PCDHA5: variants seen among roughly 807,000 people sequenced by gnomAD.
PCDHA5 encodes protocadherin alpha-5.
A neutral mutation model predicts 61.6 loss-of-function variants in PCDHA5; 43 were observed. The ratio of observed to expected loss-of-function variants is 0.70; its 90% CI spans 0.55 to 0.90. The LOEUF (loss-of-function observed/expected upper bound fraction) is 0.90, where lower values mean the gene tolerates loss of function less well. PCDHA5 is among the 40% of genes least tolerant of loss of function. The pLI is 0.00. For missense variants in PCDHA5, 1,298 were observed against 1,222.7 expected (o/e 1.06, Z -0.92); for synonymous variants, 627 against 543.9 (o/e 1.15, Z -2.13).
intron 1 of PCDHA5, chr5:140,877,334 C>G (rs375199455): frequency 3.1e-6 from 5 of 1,613,884 alleles, no homozygotes; most frequent in African/African-American, 1.3e-5. Flanking sequence ...GCGCACATCC[C>G]GTTCCACGTG....
At chr5:140,989,555 T>G (rs923190578) in intron 3 of PCDHA5, among the ~76,000 whole-genome samples, 1 of 152,204 alleles carries the variant, frequency 6.6e-6, no homozygotes, top group African/African-American at 2.4e-5. Flanking sequence ...CCTTTACGTT[T>G]TGTGGCTCCG....
intron 2 of PCDHA5, among the ~76,000 whole-genome samples, chr5:140,979,752 G>A (rs1048851264): frequency 4.6e-5 from 7 of 152,138 alleles, no homozygotes; most frequent in South Asian, 2.1e-4. Context: ...CATTATTTGC[G>A]AATGTCTTTG....
chr5:140,830,242 G>A, intron 1 of PCDHA5: 1 of 1,613,960 alleles, frequency 6.2e-7, no homozygotes, highest in Non-Finnish European at 8.5e-7. Context: ...CGCTACTGCT[G>A]TACACAGCGC....
At chr5:140,994,451 C>T (rs782287082) in intron 3 of PCDHA5, among the ~76,000 whole-genome samples, 14 of 152,116 alleles carry the variant, frequency 9.2e-5, no homozygotes, top group Non-Finnish European at 1.6e-4. Flanking sequence ...ACCTGTGATC[C>T]CAGCACTTTG....
At chr5:140,869,139 A>C (rs2050869640) in intron 1 of PCDHA5, 1 of 1,613,156 alleles carries the variant, frequency 6.2e-7, no homozygotes, top group Admixed American at 1.7e-5. Flanking sequence ...TGGGCACCCC[A>C]CGACTACAGC....
intron 1 of PCDHA5, chr5:140,843,311 A>T: frequency 6.3e-7 from 1 of 1,595,942 alleles, no homozygotes; most frequent in Non-Finnish European, 8.6e-7. Flanking sequence ...CGCCACGGCC[A>T]CGGTTCTGGT....
chr5:140,924,900 AAAAAAT>A (rs2082118159), intron 1 of PCDHA5, among the ~76,000 whole-genome samples: 2 of 63,328 alleles, frequency 3.2e-5, no homozygotes, highest in African/African-American at 5.4e-5. Flanking sequence ...GTCTCAAAAA[AAAAAAT>A]AAAATAAAAT....
At chr5:140,898,150 G>A (rs373714901) in intron 1 of PCDHA5, among the ~76,000 whole-genome samples, 6 of 152,198 alleles carry the variant, frequency 3.9e-5, no homozygotes, top group African/African-American at 9.6e-5. Flanking sequence ...GCCTGTTCAC[G>A]CTGATGGTGG....
rs200153004 is a variant in PCDHA5 at position 140,870,042 on chromosome 5, G to A, written c.2352+45915G>A. 5 of 1,613,712 alleles carry A rather than the reference G, an allele frequency of 3.1e-6. No homozygotes were observed. In the East Asian group the frequency reaches 6.7e-5, roughly 22 times the overall value. On this transcript the variant is annotated intron_variant, in intron 1 of 3. Coordinates refer to ENST00000529859, the MANE Select transcript of PCDHA5 (RefSeq NM_018908.3). The stretch of plus-strand genomic sequence containing the variant: ...GAACTTTAGATTATGAAGAAAACAA[G>A]TTTTATAAAATTGAAGTACAGGCTA...
At chr5:140,908,179 C>T (rs1158845408) in intron 1 of PCDHA5, among the ~76,000 whole-genome samples, 1 of 152,194 alleles carries the variant, frequency 6.6e-6, no homozygotes, top group Non-Finnish European at 1.5e-5. Context: ...CAGCTGTCCA[C>T]TTTCAGGTGG....
At chr5:140,890,576 A>T (rs1554184435) in intron 1 of PCDHA5, among the ~76,000 whole-genome samples, 2 of 151,634 alleles carry the variant, frequency 1.3e-5, no homozygotes, top group African/African-American at 4.8e-5. Flanking sequence ...TTCCTTCTGT[A>T]TTATTTGGAA....
intron 1 of PCDHA5, among the ~76,000 whole-genome samples, chr5:140,887,189 C>T (rs1268664594): frequency 6.6e-6 from 1 of 151,836 alleles, no homozygotes; most frequent in Non-Finnish European, 1.5e-5. Context: ...CTCCACCTCC[C>T]GGGTTCACGC....
chr5:140,875,938 G>A (rs375005102), intron 1 of PCDHA5: 5 of 1,614,020 alleles, frequency 3.1e-6, no homozygotes, highest in Middle Eastern at 1.6e-4. Flanking sequence ...TCCTCTAGAG[G>A]GCGCTTCTGA....
At chr5:140,882,048 C>T in intron 1 of PCDHA5, 1 of 745,800 alleles carries the variant, frequency 1.3e-6, no homozygotes, top group Non-Finnish European at 2.1e-6. Context: ...CTGAGTCATA[C>T]TTACACTTAC....
chr5:140,963,509 G>A, intron 1 of PCDHA5, among the ~76,000 whole-genome samples: 1 of 152,164 alleles, frequency 6.6e-6, no homozygotes, highest in Non-Finnish European at 1.5e-5. Flanking sequence ...CTCTTGAAGG[G>A]GTTCTCATAA....
chr5:140,927,481 G>T, intron 1 of PCDHA5: 1 of 1,614,072 alleles, frequency 6.2e-7, no homozygotes, highest in Non-Finnish European at 8.5e-7. Context: ...CGAACAGCGC[G>T]CCACCCACCT....
intron 3 of PCDHA5, among the ~76,000 whole-genome samples, chr5:140,995,211 A>G (rs529613370): frequency 2.6e-5 from 4 of 152,188 alleles, no homozygotes; most frequent in Non-Finnish European, 4.4e-5. Context: ...ATTAGGCACA[A>G]TACTCTTGTG....
Position 140,843,293 on chromosome 5 carries a change from G to C in PCDHA5, c.2352+19166G>C. ...CCTGGTGAAGGATCATGGTGAACCT[G>C]CGCTGACCGCCACGGCCACGGTTCT... On this transcript the variant is annotated intron_variant, in intron 1 of 3. Transcript: ENST00000529859. 17 of 1,595,972 alleles carry C rather than the reference G, an allele frequency of 1.1e-5. 4 individuals are homozygous for C. The highest frequency in any genetic ancestry group is 1.5e-5 in the Non-Finnish European group (17 of 1,165,570).
Position 140,856,045 on chromosome 5 carries a change from T to C in PCDHA5, c.2352+31918T>C, listed in dbSNP as rs1554148107. 3 of 1,581,954 alleles carry C rather than the reference T, an allele frequency of 1.9e-6. 1 individual carries two copies. In the African/African-American group the frequency reaches 4.1e-5, roughly 21 times the overall value. ...GTCGATTTGTAAAACAAGAGAAGGATAAGATGGTTTCCAGATGTAGCTGCC... is the reference window on the plus strand; with the variant it reads ...GTCGATTTGTAAAACAAGAGAAGGACAAGATGGTTTCCAGATGTAGCTGCC... On this transcript the variant is annotated intron_variant, in intron 1 of 3. Coordinates refer to ENST00000529859, the MANE Select transcript of PCDHA5 (RefSeq NM_018908.3).
Sources: allele counts gnomAD v4.1 joint callset (sites outside exome capture counted in the v4.1 genomes callset), GRCh38; gene constraint gnomAD v4.1.1; transcripts MANE v1.5; gene names NCBI Gene and HGNC (gene_info 2026-07-23, HGNC 2026-07-21).